HPX: variants seen among roughly 807,000 people sequenced by gnomAD.
HPX encodes the protein hemopexin, also known as beta-1B-glycoprotein.
A neutral mutation model predicts 53.8 loss-of-function variants in HPX; 42 were observed. That is an observed-to-expected ratio of 0.78 (90% CI 0.61 to 1.01). The LOEUF (loss-of-function observed/expected upper bound fraction) is 1.01. Among genes scored for constraint, HPX ranks in the 50% least tolerant of loss-of-function variants. The pLI is 0.00. For missense variants in HPX, 547 were observed against 594.3 expected (o/e 0.92, Z 0.83); for synonymous variants, 229 against 221.1 (o/e 1.04, Z -0.32).
intron 6 of HPX, 55 bp from the exon 7 acceptor site, chr11:6,437,232 G>A (rs1849428254): frequency 1.9e-6 from 3 of 1,571,200 alleles, no homozygotes; most frequent in Admixed American, 1.8e-5. Flanking sequence ...GTCAGAGTGA[G>A]GTCCAAGGTG....
chr11:6,437,633 C>T lies in HPX; in HGVS notation c.510G>A (p.Trp170Ter). ...CCTTCATGGTTCCCGTAGCCAAGTCCCAGAACCACTCGCGGTCACCTTTGT... is the reference window on the plus strand; with the variant it reads ...CCTTCATGGTTCCCGTAGCCAAGTCTCAGAACCACTCGCGGTCACCTTTGT... ...LFFQGDREWF[W>*]DLATGTMKER... is the part of the protein sequence containing the mutation. The change falls in exon 6 of 10, where the codon TGG becomes TGA. Residue 170 changes from tryptophan to a stop codon, truncating the protein, a stop_gained. Coordinates refer to ENST00000265983, the MANE Select transcript of HPX (RefSeq NM_000613.3). LOFTEE classifies it high-confidence loss of function. 1 of 1,614,120 alleles carries T rather than the reference C, an allele frequency of 6.2e-7. No individual in the cohort carries two copies. Among genetic ancestry groups the T allele is most frequent in the Non-Finnish European group, 8.5e-7 (1 of 1,180,018 alleles).
Position 6,431,973 on chromosome 11 carries a change from T to C in HPX, c.880A>G (p.Ser294Gly). The C allele has an allele frequency of 6.2e-7, 1 of 1,614,182 alleles. No homozygotes were observed. The highest frequency in any genetic ancestry group is 1.7e-5 in the Admixed American group (1 of 60,026). ...RLDTSRDGWH[S>G]WPIAHQWPQG... is the part of the protein sequence containing the mutation. ...GGCCACTGATGAGCAATGGGCCAGCTATGCCAGCCATCCCGGCTGGTGTCC... is the reference window on the plus strand; with the variant it reads ...GGCCACTGATGAGCAATGGGCCAGCCATGCCAGCCATCCCGGCTGGTGTCC... The change falls in exon 8 of 10, where the codon AGC becomes GGC. Residue 294 changes from serine to glycine, a missense_variant. Transcript: ENST00000265983.
At position 6,440,917 on chromosome 11, in the gene HPX, A is replaced by G. The variant is rs1849476634; in HGVS notation, c.47T>C (p.Leu16Pro). 6.2e-7 allele frequency: 1 copy of G among 1,612,542 alleles called. No individual in the cohort carries two copies. The highest frequency in any genetic ancestry group is 1.3e-5 in the African/African-American group (1 of 74,886). Residue 16 changes from leucine (L) to proline (P), a missense_variant, in exon 1 of 10, where the codon CTA (leucine) becomes CCA (proline). Physicochemically the swap from Leu to Pro is moderately conservative, Grantham distance 98. Transcript: ENST00000265983. Reference protein sequence around the residue: ...GAPVALGLWSLCWSLAIATPL... With the variant: ...GAPVALGLWSPCWSLAIATPL... ...GGTGGCAATGGCCAGAGACCAGCAT[A>G]GGCTCCACAACCCCAGTGCAACGGG... is the stretch of plus-strand genomic sequence containing the variant.
chr11:6,436,366 A>C (rs531550507), intron 7 of HPX, among the ~76,000 whole-genome samples: 12 of 152,244 alleles, frequency 7.9e-5, no homozygotes, highest in Non-Finnish European at 1.3e-4. Flanking sequence ...ACTGTGCAGC[A>C]TGACTATTTA....
At chr11:6,434,981 C>T (rs1381786886) in intron 7 of HPX, among the ~76,000 whole-genome samples, 1 of 152,148 alleles carries the variant, frequency 6.6e-6, no homozygotes, top group African/African-American at 2.4e-5. Context: ...GTAATCCTAG[C>T]ACTTTGGGAG....
Position 6,437,656 on chromosome 11 carries a change from T to C in HPX, c.491-4A>G. On this transcript the variant is annotated splice_polypyrimidine_tract_variant and splice_region_variant and intron_variant, in intron 5 of 9. Coordinates refer to ENST00000265983, the MANE Select transcript of HPX (RefSeq NM_000613.3). ...TCCCAGAACCACTCGCGGTCACCTT[T>C]GTCCAATCAATCAACAGGCATTTGG... 2 of 1,613,398 alleles carry C rather than the reference T, an allele frequency of 1.2e-6. No homozygotes were observed. The highest frequency in any genetic ancestry group is 1.3e-5 in the African/African-American group (1 of 75,050).
chr11:6,431,176 G>A lies in HPX; in HGVS notation c.*35C>T, dbSNP rs1386557940. The A allele has an allele frequency of 5.0e-6, 8 of 1,611,682 alleles. No individual in the cohort carries two copies. In the South Asian group the frequency reaches 7.7e-5, roughly 15 times the overall value. ...CTGTCTTTATTATGAGGAACTAGGA[G>A]GTGGGGCCAGGCCAGACTCATGTCA... On this transcript the variant is annotated 3_prime_UTR_variant, in exon 10 of 10. Transcript: ENST00000265983.
At chr11:6,439,438 G>T (rs1288817424) in intron 4 of HPX, among the ~76,000 whole-genome samples, 3 of 152,162 alleles carry the variant, frequency 2.0e-5, no homozygotes, top group African/African-American at 7.2e-5. Context: ...TGAATTTTAG[G>T]TGCCTGTAGA....
intron 7 of HPX, chr11:6,432,360 T>C (rs1849362483): frequency 8.0e-6 from 2 of 250,398 alleles, no homozygotes; most frequent in East Asian, 9.4e-5. Context: ...AAATACAGTG[T>C]CCAGAACTTA....
At chr11:6,438,608 C>A in intron 4 of HPX, 99 bp from the exon 5 acceptor site, 1 of 1,047,622 alleles carries the variant, frequency 9.5e-7, no homozygotes. Flanking sequence ...ACGATATCCT[C>A]CTGTGGCCCT....
In HPX at chr11:6,431,663, A is replaced by C. The variant is rs1466864594; in HGVS notation, c.1107T>G (p.Ser369=). The C allele has an allele frequency of 6.2e-7, 1 of 1,613,922 alleles. No homozygotes were observed. The highest frequency in any genetic ancestry group is 1.3e-5 in the African/African-American group (1 of 74,924). The change falls in exon 9 of 10, where the codon TCT becomes TCG. Residue 369 remains serine (S), a synonymous_variant. Transcript: ENST00000265983. ...SVDAAFICPG[S]SRLHIMAGRR... Reference sequence around the variant, plus strand: ...CACCTGCCATGATATGGAGCCGAGAAGACCCAGGGCAGATAAAGGCCGCAT... The same window carrying C: ...CACCTGCCATGATATGGAGCCGAGACGACCCAGGGCAGATAAAGGCCGCAT...
At chr11:6,434,929 A>G (rs1849395732) in intron 7 of HPX, among the ~76,000 whole-genome samples, 1 of 152,096 alleles carries the variant, frequency 6.6e-6, no homozygotes, top group South Asian at 2.1e-4. Context: ...CAAAGAGAAT[A>G]GATAAAAACC....
chr11:6,431,435 C>T lies in HPX; in HGVS notation c.1165G>A (p.Ala389Thr), dbSNP rs762642962. ...GGAAGCTCTGTCCACGTGGCTTGGG[C>T]TCCTGACTTCAGGTCCAGCCACCAC... ...RLWWLDLKSG[A>T]QATWTELPWP... The change falls in exon 10 of 10, where the codon GCC becomes ACC. Residue 389 changes from alanine (A) to threonine (T), a missense_variant. Physicochemically the swap from Ala to Thr is moderately conservative, Grantham distance 58. Coordinates refer to ENST00000265983, the MANE Select transcript of HPX (RefSeq NM_000613.3). 6.2e-7 allele frequency: 1 copy of T among 1,614,220 alleles called. No homozygotes were observed. Among genetic ancestry groups the T allele is most frequent in the South Asian group, 1.1e-5 (1 of 91,090 alleles).
Position 6,431,137 on chromosome 11 carries a change from A to C in HPX, c.*74T>G. 1.3e-6 allele frequency: 2 copies of C among 1,570,604 alleles called. No homozygotes were observed. The highest frequency in any genetic ancestry group is 1.7e-6 in the Non-Finnish European group (2 of 1,153,204). ...CATGTCAGAAGGCCCCTCAGTGAGA[A>C]GCGAAGAAGCAATCTGTCTTTATTA... On this transcript the variant is annotated 3_prime_UTR_variant, in exon 10 of 10. Transcript: ENST00000265983.
At chr11:6,433,934 G>A (rs1849382271) in intron 7 of HPX, among the ~76,000 whole-genome samples, 1 of 152,154 alleles carries the variant, frequency 6.6e-6, no homozygotes, top group South Asian at 2.1e-4. Flanking sequence ...CATCACTGAA[G>A]TCTCAGCTCA....
At chr11:6,437,214 G>C in intron 6 of HPX, 37 bp from the exon 7 acceptor site, 1 of 1,598,396 alleles carries the variant, frequency 6.3e-7, no homozygotes, top group Non-Finnish European at 8.5e-7. Flanking sequence ...CACAGAAGGA[G>C]GCCAGAGGTC....
rs1016657290 is a variant in HPX at position 6,431,934 on chromosome 11, C to G, written c.919G>C (p.Ala307Pro). The G allele has an allele frequency of 1.2e-6, 2 of 1,614,108 alleles. No individual in the cohort carries two copies. The highest frequency in any genetic ancestry group is 2.7e-5 in the African/African-American group (2 of 74,938). ...TCCCAGGAAAAGGCAGCATCCACTG[C>G]TGAAGGACCCTGGGGCCACTGATGA... The part of the protein sequence containing the change: ...IAHQWPQGPS[A>P]VDAAFSWEEK... The change falls in exon 8 of 10, where the codon GCA becomes CCA. Residue 307 changes from alanine (A) to proline (P), a missense_variant. Coordinates refer to ENST00000265983, the MANE Select transcript of HPX (RefSeq NM_000613.3).
intron 7 of HPX, 58 bp downstream of exon 7, chr11:6,436,988 G>A: frequency 1.3e-6 from 2 of 1,577,422 alleles, no homozygotes; most frequent in South Asian, 2.3e-5. Context: ...GTCAAGGATG[G>A]GAGATACAAG....
At position 6,437,592 on chromosome 11, in the gene HPX, G is replaced by A. The variant is rs1849432105; in HGVS notation, c.551C>T (p.Ala184Val). ...TGTMKERSWP[A>V]VGNCSSALRW... ...CAGGGCAGAGGAGCAGTTCCCAACA[G>A]CTGGCCAGGAACGCTCCTTCATGGT... is the stretch of plus-strand genomic sequence containing the variant. The change falls in exon 6 of 10, where the codon GCT (alanine) becomes GTT (valine). Residue 184 changes from alanine (A) to valine (V), a missense_variant. Physicochemically the swap from Ala to Val is moderately conservative, Grantham distance 64 (BLOSUM62 0). Transcript: ENST00000265983. 6.2e-7 allele frequency: 1 copy of A among 1,614,208 alleles called. No individual in the cohort carries two copies. The highest frequency in any genetic ancestry group is 1.7e-5 in the Admixed American group (1 of 60,032).
Sources: gnomAD v4.1 joint callset for allele counts (sites outside exome capture counted in the v4.1 genomes callset) on GRCh38, gnomAD v4.1.1 for gene constraint, MANE v1.5 for transcripts, NCBI Gene and HGNC (gene_info 2026-07-23, HGNC 2026-07-21) for gene names.